PRKG1: variants seen among roughly 807,000 people sequenced by gnomAD.
PRKG1 encodes the protein cGMP-dependent protein kinase 1.
Under a neutral mutation model 88.1 loss-of-function variants are expected in PRKG1, and 35 were observed. The ratio of observed to expected loss-of-function variants is 0.40; its 90% CI spans 0.30 to 0.53. The LOEUF is 0.53. PRKG1 is among the 20% of genes least tolerant of loss of function. The pLI is 0.59. For synonymous variants in PRKG1, 303 were observed against 292.5 expected (o/e 1.04, Z -0.37); for missense variants, 540 against 839.8 (o/e 0.64, Z 4.41).
chr10:52,031,098 T>C (rs2097056494), intron 5 of PRKG1, among the ~76,000 whole-genome samples: 1 of 152,016 alleles, frequency 6.6e-6, no homozygotes, highest in East Asian at 1.9e-4. Context: ...CTAATGTCAT[T>C]GATCCACACA....
intron 3 of PRKG1, among the ~76,000 whole-genome samples, chr10:51,776,905 G>C (rs1838454078): frequency 1.3e-5 from 2 of 152,136 alleles, no homozygotes; most frequent in African/African-American, 4.8e-5. Context: ...CATGGTCTTA[G>C]ATGTTTGGAA....
intron 2 of PRKG1, among the ~76,000 whole-genome samples, chr10:51,335,370 G>A: frequency 6.6e-6 from 1 of 151,886 alleles, no homozygotes; most frequent in Non-Finnish European, 1.5e-5. Context: ...TATGAAAGGA[G>A]GTTTTTCCCA....
chr10:51,280,665 G>T lies in PRKG1; in HGVS notation c.478+127335G>T, dbSNP rs541153214. Among the ~76,000 whole-genome samples, 15 of 152,266 alleles carry T rather than the reference G, an allele frequency of 9.9e-5. No homozygotes were observed. In the South Asian group the frequency reaches 2.3e-3, roughly 23 times the overall value. On this transcript the variant is annotated intron_variant, in intron 2 of 17. Transcript: ENST00000373980. ...CTTCCAGTTGATCCAATTGGCTACT[G>T]AAACTTGTGCATTCGTCAAGTAGTT...
At chr10:51,505,724 A>G (rs1214282976) in intron 3 of PRKG1, among the ~76,000 whole-genome samples, 2 of 152,100 alleles carry the variant, frequency 1.3e-5, no homozygotes, top group African/African-American at 4.8e-5. Flanking sequence ...CGAGGAATTT[A>G]TCCATTTCTT....
At chr10:51,799,689 T>A (rs1839116532) in intron 3 of PRKG1, among the ~76,000 whole-genome samples, 1 of 152,016 alleles carries the variant, frequency 6.6e-6, no homozygotes, top group Non-Finnish European at 1.5e-5. Flanking sequence ...AGTATTTTGA[T>A]GTTTTAACAA....
intron 5 of PRKG1, among the ~76,000 whole-genome samples, chr10:52,049,621 G>T (rs1845940384): frequency 6.6e-6 from 1 of 152,028 alleles, no homozygotes; most frequent in Non-Finnish European, 1.5e-5. Flanking sequence ...GTGACAGGGA[G>T]ACCAGATAAG....
chr10:51,187,121 A>G (rs1363120690), intron 2 of PRKG1, among the ~76,000 whole-genome samples: 1 of 151,652 alleles, frequency 6.6e-6, no homozygotes, highest in Non-Finnish European at 1.5e-5. Flanking sequence ...TTTAATCAGA[A>G]TTGCTTTGAA....
At chr10:51,356,351 CTA>C (rs1015557859) in intron 2 of PRKG1, among the ~76,000 whole-genome samples, 10 of 151,914 alleles carry the variant, frequency 6.6e-5, no homozygotes, top group Admixed American at 6.6e-4. Context: ...GGAGAAAAAT[CTA>C]TGAGGTCCAA....
At chr10:51,095,193 T>C (rs575079749) in intron 1 of PRKG1, among the ~76,000 whole-genome samples, 1 of 152,292 alleles carries the variant, frequency 6.6e-6, no homozygotes, top group Admixed American at 6.5e-5. Context: ...GGTCTCTTAA[T>C]ATCTAGTTCT....
At chr10:51,535,933 G>T (rs1402544500) in intron 3 of PRKG1, among the ~76,000 whole-genome samples, 1 of 151,964 alleles carries the variant, frequency 6.6e-6, no homozygotes, top group Non-Finnish European at 1.5e-5. Flanking sequence ...ATATTGGTCA[G>T]GCTGGTCCTG....
At chr10:51,511,093 T>C (rs1841389265) in intron 3 of PRKG1, among the ~76,000 whole-genome samples, 1 of 152,066 alleles carries the variant, frequency 6.6e-6, no homozygotes, top group South Asian at 2.1e-4. Flanking sequence ...AGTGTTTCAT[T>C]ATATAGTTTA....
At chr10:51,663,578 GT>G (rs574761182) in intron 3 of PRKG1, among the ~76,000 whole-genome samples, 175 of 151,688 alleles carry the variant, frequency 1.2e-3, no homozygotes, top group South Asian at 3.7e-3. Flanking sequence ...TTAGCTGAGT[GT>G]TGTGGCACAT....
chr10:51,958,539 G>C (rs1221981681), intron 5 of PRKG1, among the ~76,000 whole-genome samples: 3 of 97,028 alleles, frequency 3.1e-5, no homozygotes, highest in African/African-American at 1.1e-4. Flanking sequence ...GTCGTCCATT[G>C]TTGTTCCTTT....
At chr10:51,527,322 A>T (rs939189695) in intron 3 of PRKG1, among the ~76,000 whole-genome samples, 2 of 152,090 alleles carry the variant, frequency 1.3e-5, no homozygotes, top group Non-Finnish European at 2.9e-5. Flanking sequence ...ATAATATTAG[A>T]TTTGAGATGA....
chr10:51,894,146 G>C (rs993022671), intron 4 of PRKG1, among the ~76,000 whole-genome samples: 4 of 152,146 alleles, frequency 2.6e-5, no homozygotes, highest in South Asian at 2.1e-4. Flanking sequence ...CAGAAAATAA[G>C]TTGGAATAGG....
chr10:51,252,769 A>G (rs1238746166), intron 2 of PRKG1, among the ~76,000 whole-genome samples: 1 of 151,844 alleles, frequency 6.6e-6, no homozygotes, highest in African/African-American at 2.4e-5. Flanking sequence ...CATTCTTTAA[A>G]TGGAAATAGA....
intron 3 of PRKG1, among the ~76,000 whole-genome samples, chr10:51,700,452 G>A (rs1371119525): frequency 6.6e-6 from 1 of 152,178 alleles, no homozygotes; most frequent in Non-Finnish European, 1.5e-5. Context: ...TACGTTGATT[G>A]GTTCTGATTT....
At chr10:52,004,208 G>T (rs371960800) in intron 5 of PRKG1, among the ~76,000 whole-genome samples, 1 of 152,004 alleles carries the variant, frequency 6.6e-6, no homozygotes, top group African/African-American at 2.4e-5. Flanking sequence ...TGTAAACTCC[G>T]GGATGGCAGG....
chr10:51,957,237 C>T (rs1391851400), intron 5 of PRKG1, among the ~76,000 whole-genome samples: 1 of 139,566 alleles, frequency 7.2e-6, no homozygotes, highest in South Asian at 2.4e-4. Context: ...TCTTTCTCTA[C>T]TTCTCTCTTT....
Sources: allele counts gnomAD v4.1 joint callset (sites outside exome capture counted in the v4.1 genomes callset), GRCh38; gene constraint gnomAD v4.1.1; transcripts MANE v1.5; gene names NCBI Gene and HGNC (gene_info 2026-07-23, HGNC 2026-07-21).